GSE1: variants seen among roughly 807,000 people sequenced by gnomAD.
GSE1 encodes the protein genetic suppressor element 1.
GSE1 carries 32 observed loss-of-function variants against 112.6 expected under a neutral mutation model. The ratio of observed to expected loss-of-function variants is 0.28; its 90% CI spans 0.21 to 0.38. The LOEUF is 0.38. GSE1 is among the 10% of genes least tolerant of loss of function. GSE1 has a pLI of 1.00. For missense variants in GSE1, 2,348 were observed against 1,699.2 expected (o/e 1.38, Z -6.71); for synonymous variants, 1,115 against 735.6 (o/e 1.52, Z -8.35).
At position 85,663,603 on chromosome 16, in the gene GSE1, A is replaced by G; in HGVS notation, c.2633A>G (p.Glu878Gly). ...TIFNLTHISAEKRKDKERLVE... is the reference protein window; with the variant it reads ...TIFNLTHISAGKRKDKERLVE... Reference sequence around the variant, plus strand: ...TTCAACCTGACCCACATCAGCGCTGAGAAGAGGAAAGGTAGGGCCTCGCCT... The same window carrying G: ...TTCAACCTGACCCACATCAGCGCTGGGAAGAGGAAAGGTAGGGCCTCGCCT... Residue 878 changes from glutamate (E) to glycine (G), a missense_variant, in exon 11 of 16, where the codon GAG becomes GGG. Glu to Gly is a moderately conservative substitution (Grantham distance 98). Transcript: ENST00000253458. The G allele has an allele frequency of 2.5e-6, 4 of 1,612,074 alleles. No homozygotes were observed. Among genetic ancestry groups the G allele is most frequent in the East Asian group, 4.5e-5 (2 of 44,868 alleles).
intron 2 of GSE1, among the ~76,000 whole-genome samples, chr16:85,414,744 C>G (rs182746034): frequency 1.3e-5 from 2 of 152,328 alleles, no homozygotes; most frequent in East Asian, 3.9e-4. Flanking sequence ...AAGCAATTCT[C>G]CTGCCTCAGC....
chr16:85,513,708 C>T (rs1216154270), intron 2 of GSE1, among the ~76,000 whole-genome samples: 1 of 152,166 alleles, frequency 6.6e-6, no homozygotes, highest in African/African-American at 2.4e-5. Flanking sequence ...CCCTGTACCT[C>T]CTGCCTGGTG....
At chr16:85,319,665 A>G (rs1488956132) in intron 1 of GSE1, among the ~76,000 whole-genome samples, 1 of 152,074 alleles carries the variant, frequency 6.6e-6, no homozygotes, top group Non-Finnish European at 1.5e-5. Flanking sequence ...CGCCTCCAGC[A>G]TTAGTTCACT....
intron 1 of GSE1, among the ~76,000 whole-genome samples, chr16:85,592,047 C>T (rs1356988716): frequency 1.3e-5 from 2 of 152,164 alleles, no homozygotes; most frequent in African/African-American, 4.8e-5. Context: ...GCCAGGGGCA[C>T]CCCCCGCCCC....
intron 2 of GSE1, among the ~76,000 whole-genome samples, chr16:85,443,772 C>A (rs2049438873): frequency 6.6e-6 from 1 of 152,164 alleles, no homozygotes; most frequent in South Asian, 2.1e-4. Context: ...AGCCGGATAG[C>A]CCAGCGGGGA....
chr16:85,275,180 C>T (rs1396518956), intron 1 of GSE1, among the ~76,000 whole-genome samples: 2 of 152,152 alleles, frequency 1.3e-5, no homozygotes, highest in African/African-American at 2.4e-5. Context: ...CCCTGGACCA[C>T]GTGGCCTGAA....
intron 2 of GSE1, among the ~76,000 whole-genome samples, chr16:85,479,470 A>G (rs1286600245): frequency 1.3e-5 from 2 of 150,552 alleles, no homozygotes; most frequent in Non-Finnish European, 3.0e-5. Context: ...TGCCTGGCCA[A>G]TTTTTGTATT....
chr16:85,497,852 G>A (rs924215535), intron 2 of GSE1, among the ~76,000 whole-genome samples: 2 of 152,158 alleles, frequency 1.3e-5, no homozygotes, highest in Admixed American at 1.3e-4. Flanking sequence ...TGGCAACTCT[G>A]TTAGTCCCCA....
chr16:85,582,205 C>CG lies in GSE1; in HGVS notation c.37+25846dup, dbSNP rs2046475937. Reference sequence around the variant, plus strand: ...TAAGAGGATTCACTTAGCACCCGAACGGGGCTCTGCAAACATTGCCCCTCC... The same window carrying CG: ...TAAGAGGATTCACTTAGCACCCGAACGGGGGCTCTGCAAACATTGCCCCTCC... On this transcript the variant is annotated intron_variant, in intron 1 of 2. Coordinates refer to the GSE1 transcript ENST00000635906. The CG allele has an allele frequency of 2.6e-5, 4 of 152,344 alleles. No homozygotes were observed. The South Asian group carries it at 6.2e-4, about 24-fold the overall frequency. 9.4% of individuals were successfully genotyped at this position (152,344 alleles called of 1,614,324 possible). A position where few individuals can be genotyped will look rare whatever the true frequency, so the allele number is the denominator to read the frequency against.
rs1555573635 is a variant in GSE1 at position 85,671,456 on chromosome 16, AAG to A, written c.3519+360_3519+361del. 2.8e-4 allele frequency among the ~76,000 whole-genome samples: 42 copies of A among 149,178 alleles called. 2 individuals are homozygous for A. The East Asian group carries it at 3.4e-3, about 12-fold the overall frequency. ...CTCCGTCTCAAAAAAAAAAAAAAAA[AAG>A]ATCAAAATTTGGACTGCATGCAATG... is the stretch of plus-strand genomic sequence containing the variant. On this transcript the variant is annotated intron_variant, in intron 15 of 15. Transcript: ENST00000253458.
chr16:85,604,538 C>G (rs2047599556), intron 1 of GSE1, among the ~76,000 whole-genome samples: 1 of 151,152 alleles, frequency 6.6e-6, no homozygotes, highest in African/African-American at 2.4e-5. Context: ...CCATTCCTTT[C>G]TGTGGCTGAA....
chr16:85,310,348 C>T (rs1382231667), intron 1 of GSE1, among the ~76,000 whole-genome samples: 20 of 152,194 alleles, frequency 1.3e-4, no homozygotes, highest in Non-Finnish European at 2.9e-4. Flanking sequence ...TATGTGTGAA[C>T]CAGCTGGCGA....
chr16:85,504,798 G>T (rs1417729345), intron 2 of GSE1, among the ~76,000 whole-genome samples: 2 of 152,182 alleles, frequency 1.3e-5, no homozygotes, highest in African/African-American at 4.8e-5. Flanking sequence ...GAACAAGGGG[G>T]TACAGAGCTA....
At chr16:85,630,955 C>G (rs1164825910) in intron 1 of GSE1, among the ~76,000 whole-genome samples, 1 of 152,172 alleles carries the variant, frequency 6.6e-6, no homozygotes, top group Non-Finnish European at 1.5e-5. Flanking sequence ...GTGAGGCTGT[C>G]TTGAGAGGTG....
intron 12 of GSE1, 137 bp downstream of exon 12, chr16:85,665,265 C>T (rs185157563): frequency 4.9e-5 from 30 of 614,264 alleles, no homozygotes; most frequent in African/African-American, 2.4e-4. Context: ...CTTGTACCAG[C>T]GTACGATTCT....
chr16:85,618,560 C>T (rs564092310), intron 1 of GSE1, among the ~76,000 whole-genome samples: 2 of 152,358 alleles, frequency 1.3e-5, no homozygotes, highest in East Asian at 1.9e-4. Context: ...ATGACAATGT[C>T]ACCTGTATCC....
chr16:85,183,496 G>A (rs1287904689), intron 1 of GSE1, among the ~76,000 whole-genome samples: 1 of 152,160 alleles, frequency 6.6e-6, no homozygotes, highest in African/African-American at 2.4e-5. Context: ...ACTCCTCCCT[G>A]CTCTGCCCTC....
chr16:85,550,775 C>G (rs987736459), intron 2 of GSE1, among the ~76,000 whole-genome samples: 3 of 152,210 alleles, frequency 2.0e-5, no homozygotes, highest in Non-Finnish European at 2.9e-5. Flanking sequence ...AAAGACAGCC[C>G]CGCTAGAGGG....
At chr16:85,199,418 C>T (rs183999082) in intron 1 of GSE1, among the ~76,000 whole-genome samples, 92 of 152,278 alleles carry the variant, frequency 6.0e-4, no homozygotes, top group Admixed American at 2.2e-3. Flanking sequence ...GTGGGACTCA[C>T]GGGGCCGAGT....
Sources: allele counts gnomAD v4.1 joint callset (sites outside exome capture counted in the v4.1 genomes callset), GRCh38; gene constraint gnomAD v4.1.1; transcripts MANE v1.5; gene names NCBI Gene and HGNC (gene_info 2026-07-23, HGNC 2026-07-21).